ZNF429: variants seen among roughly 807,000 people sequenced by gnomAD.
ZNF429 encodes zinc finger protein 429.
A neutral mutation model predicts 56.8 loss-of-function variants in ZNF429; 53 were observed. The observed-to-expected ratio is 0.93, with a 90% CI of 0.75 to 1.17. The LOEUF (loss-of-function observed/expected upper bound fraction) is 1.17, where lower values mean the gene tolerates loss of function less well. Ranked by LOEUF, ZNF429 falls within the 50% of genes most tolerant of loss-of-function variation. The probability of loss-of-function intolerance (pLI) is 0.00; values close to 1 mark genes in which losing one functional copy is unlikely to be tolerated. For synonymous variants in ZNF429, 278 were observed against 264.7 expected (o/e 1.05, Z -0.49); for missense variants, 849 against 788.4 (o/e 1.08, Z -0.92).
intron 1 of ZNF429, among the ~76,000 whole-genome samples, chr19:21,517,675 G>A (rs1265680674): frequency 1.3e-5 from 2 of 150,078 alleles, no homozygotes; most frequent in African/African-American, 4.9e-5. Flanking sequence ...TATTTGCCCA[G>A]AAATTTATCC....
chr19:21,529,502 T>A, intron 1 of ZNF429, 156 bp from the exon 2 acceptor site: 1 of 956,544 alleles, frequency 1.0e-6, no homozygotes, highest in Non-Finnish European at 1.2e-6. Flanking sequence ...TATAAATTAG[T>A]TTATTGAATA....
At chr19:21,509,552 T>C (rs2032353334) in intron 1 of ZNF429, among the ~76,000 whole-genome samples, 1 of 152,206 alleles carries the variant, frequency 6.6e-6, no homozygotes, top group African/African-American at 2.4e-5. Flanking sequence ...AGAAGGTTAT[T>C]TAAGATCCAG....
chr19:21,519,570 T>C (rs2032908319), intron 1 of ZNF429, among the ~76,000 whole-genome samples: 1 of 152,206 alleles, frequency 6.6e-6, no homozygotes, highest in South Asian at 2.1e-4. Flanking sequence ...TGCTTTCACA[T>C]CACTACACTT....
intron 1 of ZNF429, among the ~76,000 whole-genome samples, chr19:21,516,124 A>C (rs894239894): frequency 6.6e-6 from 1 of 151,966 alleles, no homozygotes; most frequent in Middle Eastern, 3.2e-3. Context: ...GCTGGAGTGC[A>C]GTGGAGCAAT....
rs1292028463 is a variant in ZNF429, at chr19:21,539,585, C to CTTT, written c.*1508_*1509insTTT. Among the ~76,000 whole-genome samples the CTTT allele has an allele frequency of 1.3e-4, 17 of 130,176 alleles. No homozygotes were observed. The Admixed American group carries it at 1.4e-3, about 11-fold the overall frequency. The allele number at this position is 130,176 out of a possible 152,430, so 85.4% of individuals were successfully genotyped here. ...TACAGGCATACACCAGCATGTCTGG[C>CTTT]TATTTTTTTTTTTTTTTGTATTTTT... On this transcript the variant is annotated 3_prime_UTR_variant, in exon 4 of 4. Coordinates refer to ENST00000358491, the MANE Select transcript of ZNF429 (RefSeq NM_001001415.4).
intron 3 of ZNF429, among the ~76,000 whole-genome samples, chr19:21,532,721 G>A: frequency 1.3e-3 from 196 of 149,808 alleles, no homozygotes; most frequent in Non-Finnish European, 2.3e-3. Context: ...TTTTGGAGAC[G>A]GTGGTCTCGC....
chr19:21,512,186 C>T (rs889892239), intron 1 of ZNF429, among the ~76,000 whole-genome samples: 1 of 152,074 alleles, frequency 6.6e-6, no homozygotes, highest in Non-Finnish European at 1.5e-5. Flanking sequence ...AGAGTAACTT[C>T]CTGATATTGC....
chr19:21,522,687 C>A (rs1163360033), intron 1 of ZNF429, among the ~76,000 whole-genome samples: 1 of 152,108 alleles, frequency 6.6e-6, no homozygotes, highest in Non-Finnish European at 1.5e-5. Flanking sequence ...ACCTTGAGGT[C>A]AGGAGTTTGA....
chr19:21,537,460 T>C lies in ZNF429; in HGVS notation c.1407T>C (p.Thr469=), dbSNP rs769708406. Residue 469 remains threonine (T), a synonymous_variant, in exon 4 of 4, where the codon ACT becomes ACC. Transcript: ENST00000358491. The stretch of plus-strand genomic sequence containing the variant: ...CTTTTAACCGGTCCTCACACCTTAC[T>C]AGCCATAGGAGAATTCATACTGGAG... ...GKAFNRSSHL[T]SHRRIHTGEK... The C allele has an allele frequency of 1.1e-5, 17 of 1,613,736 alleles. No homozygotes were observed. The highest frequency in any genetic ancestry group is 1.4e-5 in the Non-Finnish European group (17 of 1,179,968).
rs111400547 is a variant in ZNF429 at position 21,537,199 on chromosome 19, A to G, written c.1146A>G (p.Ser382=). 3,247 of 1,613,838 alleles carry G rather than the reference A, an allele frequency of 2.0e-3. 28 individuals are homozygous for G. The highest frequency in any genetic ancestry group is 0.01 in the African/African-American group (768 of 75,002). ...EECGKAFNQS[S]RLTRHKKIHT... ...GTGGCAAAGCTTTTAACCAGTCTTCAAGACTTACTCGACATAAAAAAATTC... is the reference window on the plus strand; with the variant it reads ...GTGGCAAAGCTTTTAACCAGTCTTCGAGACTTACTCGACATAAAAAAATTC... The change falls in exon 4 of 4, where the codon TCA becomes TCG. Residue 382 remains serine, a synonymous_variant. Transcript: ENST00000358491.
rs1160577155 is a variant in ZNF429, at chr19:21,537,912, C to T, written c.1859C>T (p.Pro620Leu). ...QHKKIHTREK[P>L]YKCEECAKAF... ...AAGAAAATTCATACTAGAGAGAAAC[C>T]TTACAAATGTGAAGAATGTGCCAAA... Residue 620 changes from proline to leucine, a missense_variant, in exon 4 of 4, where the codon CCT becomes CTT. By Grantham distance (98) the Pro-to-Leu change is moderately conservative (BLOSUM62 -3). Transcript: ENST00000358491. 2 of 1,613,874 alleles carry T rather than the reference C, an allele frequency of 1.2e-6. 1 individual carries two copies. Among genetic ancestry groups the T allele is most frequent in the Non-Finnish European group, 1.7e-6 (2 of 1,179,950 alleles).
intron 1 of ZNF429, among the ~76,000 whole-genome samples, chr19:21,516,347 A>G (rs913542710): frequency 2.6e-5 from 4 of 152,040 alleles, no homozygotes; most frequent in African/African-American, 9.7e-5. Context: ...TCAGCCTCCC[A>G]AAGTGCTGGG....
In ZNF429 at chr19:21,538,291, A is replaced by C. The variant is rs2066937979; in HGVS notation, c.*213A>C. Among the ~76,000 whole-genome samples the C allele has an allele frequency of 6.9e-6, 1 of 144,612 alleles. No individual in the cohort carries two copies. The highest frequency in any genetic ancestry group is 2.2e-4 in the South Asian group (1 of 4,578). 94.9% of individuals were successfully genotyped at this position (144,612 alleles called of 152,430 possible). A position where few individuals can be genotyped will look rare whatever the true frequency, so the allele number is the denominator to read the frequency against. On this transcript the variant is annotated 3_prime_UTR_variant, in exon 4 of 4. Coordinates refer to ENST00000358491, the MANE Select transcript of ZNF429 (RefSeq NM_001001415.4). ...AGACTCCATCTCAAAAAAAAAAAAAAAAAAAAAAGAAAAGAAAATTCATAG... is the reference window on the plus strand; with the variant it reads ...AGACTCCATCTCAAAAAAAAAAAAACAAAAAAAAGAAAAGAAAATTCATAG...
Position 21,536,391 on chromosome 19 carries a change from T to G in ZNF429, c.338T>G (p.Leu113Ter). ...AAACGTGGACATGAGAACTTACAAT[T>G]AAGAAAAGGCTATAAAACTGTAGGT... ...YDKRGHENLQ[L>*]RKGYKTVGDC... is the part of the protein sequence containing the mutation. The change falls in exon 4 of 4, where the codon TTA becomes TGA. Residue 113 changes from leucine (L) to a stop codon, truncating the protein, a stop_gained. Transcript: ENST00000358491. LOFTEE classifies it high-confidence loss of function. The G allele has an allele frequency of 6.2e-7, 1 of 1,613,890 alleles. No homozygotes were observed. The highest frequency in any genetic ancestry group is 8.5e-7 in the Non-Finnish European group (1 of 1,179,914).
At chr19:21,506,253 T>C (rs1164789097) in intron 1 of ZNF429, among the ~76,000 whole-genome samples, 1 of 152,072 alleles carries the variant, frequency 6.6e-6, no homozygotes, top group Non-Finnish European at 1.5e-5. Flanking sequence ...AGGTCCGGCA[T>C]TCGAGAACAG....
At chr19:21,518,364 C>G (rs1161028634) in intron 1 of ZNF429, among the ~76,000 whole-genome samples, 1 of 150,242 alleles carries the variant, frequency 6.7e-6, no homozygotes, top group Non-Finnish European at 1.5e-5. Context: ...GTAAATTCCC[C>G]TTTTAACCTC....
intron 1 of ZNF429, 78 bp from the exon 2 acceptor site, chr19:21,529,580 A>T (rs2033295619): frequency 1.3e-5 from 17 of 1,302,290 alleles, no homozygotes; most frequent in Non-Finnish European, 1.7e-5. Context: ...AATTAAATAA[A>T]AAATTCTACC....
Position 21,529,784 on chromosome 19 carries a change from G to C in ZNF429, c.130G>C (p.Gly44Arg). 6.4e-7 allele frequency: 1 copy of C among 1,562,766 alleles called. No homozygotes were observed. ...LENYRNLVFL[G>R]IAVSKPDLIT... ...GAACTACAGAAACTTGGTCTTCCTG[G>C]GTGAGAATAACTTCAATACAACATT... is the stretch of plus-strand genomic sequence containing the variant. The change falls in exon 2 of 4, where the codon GGT becomes CGT. Residue 44 changes from glycine to arginine, a missense_variant and splice_region_variant. Physicochemically the swap from Gly to Arg is moderately radical, Grantham distance 125 (BLOSUM62 -2). Coordinates refer to ENST00000358491, the MANE Select transcript of ZNF429 (RefSeq NM_001001415.4).
At chr19:21,528,588 C>T (rs779313310) in intron 1 of ZNF429, among the ~76,000 whole-genome samples, 25 of 151,990 alleles carry the variant, frequency 1.6e-4, no homozygotes, top group Non-Finnish European at 7.4e-5. Context: ...GCCTGTAATC[C>T]TAGCTACTGT....
Sources: gnomAD v4.1 joint callset for allele counts (sites outside exome capture counted in the v4.1 genomes callset) on GRCh38, gnomAD v4.1.1 for gene constraint, MANE v1.5 for transcripts, NCBI Gene and HGNC (gene_info 2026-07-23, HGNC 2026-07-21) for gene names.